EVPL: variants seen among roughly 807,000 people sequenced by gnomAD.
EVPL encodes envoplakin, also known as 210 kDa cornified envelope precursor protein.
In EVPL, 94 loss-of-function variants were observed where a neutral mutation model predicts 129.7. The observed-to-expected ratio is 0.72, with a 90% CI of 0.61 to 0.86. The LOEUF is 0.86. Ranked by LOEUF, EVPL falls within the 40% of genes least tolerant of loss-of-function variation. The pLI, the probability that EVPL is intolerant of heterozygous loss-of-function variation, is 0.00. For synonymous variants in EVPL, 1,172 were observed against 1,191.1 expected (o/e 0.98, Z 0.33); for missense variants, 2,625 against 2,721.1 (o/e 0.96, Z 0.79).
At chr17:76,012,129 C>A in intron 18 of EVPL, 40 bp from the exon 19 acceptor site, 1 of 1,506,132 alleles carries the variant, frequency 6.6e-7, no homozygotes, top group Non-Finnish European at 9.1e-7. Flanking sequence ...CCAGGAAATG[C>A]CAATCACCCT....
rs540394566 is a variant in EVPL at position 76,021,950 on chromosome 17, G to T, written c.724C>A (p.Leu242Met). 8.5e-5 allele frequency: 132 copies of T among 1,560,734 alleles called. 1 individual carries two copies. In the Admixed American group the frequency reaches 1.3e-3, roughly 15 times the overall value. ...LQGCTRQLSA[L>M]AEQQRRILQQ... is the part of the protein sequence containing the mutation. Reference sequence around the variant, plus strand: ...AGGATGCGGCGCTGCTGCTCAGCCAGGGCGCTCAGCTGCCGCGTGCAGCCC... The same window carrying T: ...AGGATGCGGCGCTGCTGCTCAGCCATGGCGCTCAGCTGCCGCGTGCAGCCC... Residue 242 changes from leucine (L) to methionine (M), a missense_variant, in exon 7 of 22, where the codon CTG becomes ATG. By Grantham distance (15) the Leu-to-Met change is conservative. Coordinates refer to ENST00000301607, the MANE Select transcript of EVPL (RefSeq NM_001988.4).
intron 2 of EVPL, 150 bp from the exon 3 acceptor site, chr17:76,023,804 TC>T (rs2066480493): frequency 1.5e-6 from 2 of 1,360,316 alleles, no homozygotes; most frequent in African/African-American, 2.9e-5. Flanking sequence ...GACCAGGGCG[TC>T]CGTGGGGCAG....
intron 17 of EVPL, among the ~76,000 whole-genome samples, 160 bp downstream of exon 17, chr17:76,014,756 C>T (rs1169585351): frequency 6.6e-6 from 1 of 152,182 alleles, no homozygotes; most frequent in East Asian, 1.9e-4. Context: ...CTCTACCAGG[C>T]ACCACCCTGG....
At chr17:76,010,582 T>C (rs2066369861) in intron 21 of EVPL, 39 bp from the exon 22 acceptor site, 1 of 1,560,618 alleles carries the variant, frequency 6.4e-7, no homozygotes. Flanking sequence ...GGGTGGGCGG[T>C]AGAGATAGGA....
Position 76,027,154 on chromosome 17 carries a change from G to T in EVPL, c.45C>A (p.Pro15=), listed in dbSNP as rs780235901. Residue 15 remains proline (P), a synonymous_variant, in exon 1 of 22, where the codon CCC becomes CCA. Coordinates refer to ENST00000301607, the MANE Select transcript of EVPL (RefSeq NM_001988.4). ...GGGACCCCTTGGCGGGGGAGCCCTT[G>T]GGGGACCCCTTCCCCTGGGAGCCTT... ...LSKGSQGKGS[P]KGSPAKGSPK... 2.5e-6 allele frequency: 4 copies of T among 1,578,208 alleles called. No individual in the cohort carries two copies. In the African/African-American group the frequency reaches 5.5e-5, roughly 22 times the overall value.
chr17:76,012,800 A>T (rs1459316180), intron 18 of EVPL, among the ~76,000 whole-genome samples: 2 of 141,002 alleles, frequency 1.4e-5, no homozygotes, highest in Admixed American at 7.6e-5. Flanking sequence ...GCTGGAGTGC[A>T]GTGGCGCTAT....
Position 76,009,959 on chromosome 17 carries a change from C to T in EVPL, c.3246G>A (p.Val1082=). 1 of 1,614,126 alleles carries T rather than the reference C, an allele frequency of 6.2e-7. No homozygotes were observed. Among genetic ancestry groups the T allele is most frequent in the Non-Finnish European group, 8.5e-7 (1 of 1,180,042 alleles). The change falls in exon 22 of 22, where the codon GTG becomes GTA. Residue 1082 remains valine, a synonymous_variant. Coordinates refer to ENST00000301607, the MANE Select transcript of EVPL (RefSeq NM_001988.4). This position sits in a 1 kb window ranked among gnomAD's most constrained non-coding sequence, Gnocchi z 5.9. The stretch of plus-strand genomic sequence containing the variant: ...CCTTGACCATTTCCAGATTCTTCTC[C>T]ACCTTGACTACCTCTTTCACCACGA... ...EKVVVKEVVK[V]EKNLEMVKAA... is the part of the protein sequence containing the mutation.
chr17:76,011,995 A>G lies in EVPL; in HGVS notation c.2457+11T>C. The G allele has an allele frequency of 3.1e-6, 5 of 1,611,966 alleles. No individual in the cohort carries two copies. The highest frequency in any genetic ancestry group is 4.2e-6 in the Non-Finnish European group (5 of 1,178,948). On this transcript the variant is annotated intron_variant, in intron 19 of 21. Coordinates refer to ENST00000301607, the MANE Select transcript of EVPL (RefSeq NM_001988.4). ...GCATGGAGAGGGGCAAGCTGAAGGC[A>G]AGCTGCTTACCTGGAGCGCTGCCTG...
rs373559433 is a variant in EVPL, at chr17:76,009,845, G to A, written c.3360C>T (p.Ile1120=). Residue 1120 remains isoleucine, a synonymous_variant, in exon 22 of 22, where the codon ATC becomes ATT. Coordinates refer to ENST00000301607, the MANE Select transcript of EVPL (RefSeq NM_001988.4). This position sits in a 1 kb window ranked among gnomAD's most constrained non-coding sequence, Gnocchi z 5.9. ...AGCTGATAGCCCGCTCCAGGTCTTCGATGCGAGCCTGTAGCTTGGCCACAG... is the reference window on the plus strand; with the variant it reads ...AGCTGATAGCCCGCTCCAGGTCTTCAATGCGAGCCTGTAGCTTGGCCACAG... ...EEAVAKLQAR[I]EDLERAISSV... is the part of the protein sequence containing the mutation. 7 of 1,613,890 alleles carry A rather than the reference G, an allele frequency of 4.3e-6. No homozygotes were observed. Among genetic ancestry groups the A allele is most frequent in the Admixed American group, 1.7e-5 (1 of 60,008 alleles).
chr17:76,021,456 C>A lies in EVPL; in HGVS notation c.1011+12G>T. On this transcript the variant is annotated intron_variant, in intron 9 of 21. Transcript: ENST00000301607. ...CGCCCCTGCCGCCCCTGCCGCCTGCCCGAGGGCTCACCCGGCGGTAGTCCT... is the reference window on the plus strand; with the variant it reads ...CGCCCCTGCCGCCCCTGCCGCCTGCACGAGGGCTCACCCGGCGGTAGTCCT... 6.2e-7 allele frequency: 1 copy of A among 1,601,394 alleles called. No homozygotes were observed. Among genetic ancestry groups the A allele is most frequent in the Non-Finnish European group, 8.5e-7 (1 of 1,175,146 alleles).
chr17:76,024,828 C>T lies in EVPL; in HGVS notation c.99-708G>A, dbSNP rs535182978. Among the ~76,000 whole-genome samples the T allele has an allele frequency of 2.0e-5, 3 of 152,308 alleles. No homozygotes were observed. Among genetic ancestry groups the T allele is most frequent in the South Asian group, 4.1e-4 (2 of 4,830 alleles). ...CACCCCAGGGCTTTTTCTGTGCATTCGCCCTGCAGCCTCCATAGAGCACCT... is the reference window on the plus strand; with the variant it reads ...CACCCCAGGGCTTTTTCTGTGCATTTGCCCTGCAGCCTCCATAGAGCACCT... On this transcript the variant is annotated intron_variant, in intron 1 of 21. Coordinates refer to ENST00000301607, the MANE Select transcript of EVPL (RefSeq NM_001988.4). This position sits in a 1 kb window ranked among gnomAD's most constrained non-coding sequence, Gnocchi z 4.5.
chr17:76,011,254 G>A (rs931116160), intron 21 of EVPL, among the ~76,000 whole-genome samples: 1 of 148,270 alleles, frequency 6.7e-6, no homozygotes, highest in Non-Finnish European at 1.5e-5. Flanking sequence ...GAGCCAGGTG[G>A]CTGAGGGTGA....
rs374513064 is a variant in EVPL at position 76,007,478 on chromosome 17, G to A, written c.5727C>T (p.Pro1909=). The part of the protein sequence containing the change: ...AQKAFTGIED[P]VTKKRLSVGE... ...CCACCGAGAGCCTCTTCTTGGTGACGGGGTCCTCGATGCCGGTGAAGGCCT... is the reference window on the plus strand; with the variant it reads ...CCACCGAGAGCCTCTTCTTGGTGACAGGGTCCTCGATGCCGGTGAAGGCCT... The change falls in exon 22 of 22, where the codon CCC becomes CCT. Residue 1909 remains proline (P), a synonymous_variant. Transcript: ENST00000301607. This position sits in a 1 kb window ranked among gnomAD's most constrained non-coding sequence, Gnocchi z 8.8. 1.7e-5 allele frequency: 27 copies of A among 1,610,504 alleles called. No homozygotes were observed. Among genetic ancestry groups the A allele is most frequent in the East Asian group, 1.6e-4 (7 of 44,808 alleles).
Position 76,008,250 on chromosome 17 carries a change from A to T in EVPL, c.4955T>A (p.Ile1652Asn), listed in dbSNP as rs2066338694. ...CCGGAGCGTCCGCTCCTTCTCGTAG[A>T]TCTGGTCCTTCTCGCGGAGGATGGC... Reference protein sequence around the residue: ...EAAILREKDQIYEKERTLRDL... With the variant: ...EAAILREKDQNYEKERTLRDL... Residue 1652 changes from isoleucine (I) to asparagine (N), a missense_variant, in exon 22 of 22, where the codon ATC becomes AAC. This residue lies in a region of EVPL where 1,453 missense variants were observed against 1,511.8 expected (regional missense o/e 0.96). Coordinates refer to ENST00000301607, the MANE Select transcript of EVPL (RefSeq NM_001988.4). The surrounding 1 kb of genome is among the most constrained non-coding windows in gnomAD (Gnocchi z 7.4). The T allele has an allele frequency of 1.2e-6, 2 of 1,613,432 alleles. No homozygotes were observed. The highest frequency in any genetic ancestry group is 1.7e-6 in the Non-Finnish European group (2 of 1,179,986).
chr17:76,008,288 C>G lies in EVPL; in HGVS notation c.4917G>C (p.Ser1639=), dbSNP rs1268217503. 1 of 1,611,148 alleles carries G rather than the reference C, an allele frequency of 6.2e-7. No homozygotes were observed. Among genetic ancestry groups the G allele is most frequent in the Non-Finnish European group, 8.5e-7 (1 of 1,179,974 alleles). The change falls in exon 22 of 22, where the codon TCG becomes TCC. Residue 1639 remains serine (S), a synonymous_variant. Coordinates refer to ENST00000301607, the MANE Select transcript of EVPL (RefSeq NM_001988.4). This position sits in a 1 kb window ranked among gnomAD's most constrained non-coding sequence, Gnocchi z 7.4. ...QKAAQRGQEL[S]RLEAAILREK... ...CGCGGAGGATGGCCGCCTCCAGCCGCGAGAGCTCCTGGCCCCGCTGGGCCG... is the reference window on the plus strand; with the variant it reads ...CGCGGAGGATGGCCGCCTCCAGCCGGGAGAGCTCCTGGCCCCGCTGGGCCG...
At position 76,015,137 on chromosome 17, in the gene EVPL, A is replaced by G. The variant is rs988397752; in HGVS notation, c.2029-28T>C. The G allele has an allele frequency of 7.0e-6, 11 of 1,565,748 alleles. No individual in the cohort carries two copies. The South Asian group carries it at 1.1e-4, about 16-fold the overall frequency. On this transcript the variant is annotated intron_variant, in intron 16 of 21. Coordinates refer to ENST00000301607, the MANE Select transcript of EVPL (RefSeq NM_001988.4). ...GCAGGAGGAGGGGACGCAGCCGTGC[A>G]CCCTCGTGGCTGGGGAGACGCCGTG...
chr17:76,014,774 G>A, intron 17 of EVPL, 142 bp downstream of exon 17: 1 of 1,111,192 alleles, frequency 9.0e-7, no homozygotes, highest in South Asian at 1.6e-5. Flanking sequence ...TGGGAGGTAA[G>A]TGCTGTTGTT....
At chr17:76,014,279 TG>T in intron 18 of EVPL, 146 bp downstream of exon 18, 2 of 1,142,022 alleles carry the variant, frequency 1.8e-6, no homozygotes, top group Non-Finnish European at 2.4e-6. Context: ...GCCCCGTCTG[TG>T]GGCAAAGAGG....
At chr17:76,019,400 C>T in intron 10 of EVPL, 128 bp downstream of exon 10, 1 of 1,255,192 alleles carries the variant, frequency 8.0e-7, no homozygotes, top group Non-Finnish European at 1.1e-6. Flanking sequence ...GAGTAAACCC[C>T]CCTGCCAGCA....
Sources: gnomAD v4.1 joint callset for allele counts (sites outside exome capture counted in the v4.1 genomes callset) on GRCh38, gnomAD v4.1.1 for gene constraint, gnomAD v4.1.1 regional missense constraint, Gnocchi (gnomAD v3.1) non-coding constraint, MANE v1.5 for transcripts, NCBI Gene and HGNC (gene_info 2026-07-23, HGNC 2026-07-21) for gene names.